The following SEMA6D variants were observed in gnomAD, a reference collection of about 807,000 sequenced individuals.
The protein encoded by SEMA6D is semaphorin 6D.
A neutral mutation model predicts 106.6 loss-of-function variants in SEMA6D; 35 were observed. The observed-to-expected ratio is 0.33, with a 90% CI of 0.25 to 0.44. The LOEUF (loss-of-function observed/expected upper bound fraction) is 0.44, where lower values mean the gene tolerates loss of function less well. SEMA6D is among the 20% of genes least tolerant of loss of function. SEMA6D has a pLI of 1.00. For missense variants in SEMA6D, 1,185 were observed against 1,345.9 expected, an observed-to-expected ratio of 0.88 and a Z score of 1.87; for synonymous variants, 499 against 487.7, an observed-to-expected ratio of 1.02 and a Z score of -0.31.
intron 1 of SEMA6D, among the ~76,000 whole-genome samples, chr15:47,288,578 A>T (rs1207981238): frequency 6.6e-6 from 1 of 152,172 alleles, no homozygotes; most frequent in African/African-American, 2.4e-5. Context: ...GAATTTCTAT[A>T]ATGGCCTTTT....
intron 2 of SEMA6D, among the ~76,000 whole-genome samples, chr15:47,434,234 G>A (rs1385862936): frequency 1.3e-5 from 2 of 152,106 alleles, no homozygotes; most frequent in African/African-American, 4.8e-5. Flanking sequence ...GTAACTGTGT[G>A]GTTCAAGCCT....
At chr15:47,461,759 A>G (rs1567095915) in intron 2 of SEMA6D, among the ~76,000 whole-genome samples, 1 of 152,110 alleles carries the variant, frequency 6.6e-6, no homozygotes, top group Non-Finnish European at 1.5e-5. Flanking sequence ...GCTAAGAGCA[A>G]TACAAACCGA....
intron 4 of SEMA6D, among the ~76,000 whole-genome samples, chr15:47,602,316 CT>C (rs2076679282): frequency 6.6e-6 from 1 of 152,170 alleles, no homozygotes; most frequent in African/African-American, 2.4e-5. Flanking sequence ...GCAATCTCAT[CT>C]AAGGTAATTA....
intron 3 of SEMA6D, among the ~76,000 whole-genome samples, chr15:47,495,724 ATTAAG>A (rs1217116640): frequency 6.6e-6 from 1 of 152,180 alleles, no homozygotes; most frequent in Admixed American, 6.6e-5. Flanking sequence ...TAAAACAAAT[ATTAAG>A]TTATTTTTAA....
At chr15:47,547,944 T>G (rs2045573109) in intron 3 of SEMA6D, among the ~76,000 whole-genome samples, 2 of 152,174 alleles carry the variant, frequency 1.3e-5, no homozygotes, top group African/African-American at 4.8e-5. Flanking sequence ...AAGAGAATAT[T>G]CTAGAATTTC....
chr15:47,676,484 G>A (rs2078248334), intron 4 of SEMA6D, among the ~76,000 whole-genome samples: 1 of 152,218 alleles, frequency 6.6e-6, no homozygotes, highest in African/African-American at 2.4e-5. Flanking sequence ...AACAATTAGT[G>A]CCATGACTAC....
At chr15:47,508,442 C>T (rs1003210810) in intron 3 of SEMA6D, among the ~76,000 whole-genome samples, 4 of 152,128 alleles carry the variant, frequency 2.6e-5, no homozygotes, top group Admixed American at 6.6e-5. Flanking sequence ...AAGAGGATGG[C>T]CCCATGGAGT....
chr15:47,200,637 TA>T (rs1248085702), intron 1 of SEMA6D, among the ~76,000 whole-genome samples: 6 of 152,150 alleles, frequency 3.9e-5, no homozygotes, highest in African/African-American at 1.4e-4. Context: ...GTAAAGTCAT[TA>T]AAAGTTTCTA....
chr15:47,411,938 GA>G (rs10715993), intron 1 of SEMA6D, among the ~76,000 whole-genome samples: 95,326 of 151,910 alleles, frequency 0.63, 30,378 homozygotes, highest in Middle Eastern at 0.69. Flanking sequence ...GGGACTCAGT[GA>G]AAAAAGCAGT....
chr15:47,369,539 A>T (rs1459476917), intron 1 of SEMA6D, among the ~76,000 whole-genome samples: 1 of 152,250 alleles, frequency 6.6e-6, no homozygotes, highest in Non-Finnish European at 1.5e-5. Flanking sequence ...ATTCAAAAGT[A>T]ATGATTCTTC....
Position 47,478,607 on chromosome 15 carries a change from G to T in SEMA6D, c.-87+8062G>T, listed in dbSNP as rs1437672685. Among the ~76,000 whole-genome samples the T allele has an allele frequency of 2.6e-5, 4 of 152,136 alleles. No individual in the cohort carries two copies. The East Asian group carries it at 7.7e-4, about 29-fold the overall frequency. ...GCAGGGTGTTGTGGTATAGCATGGGGTAGAAGGAAGGGAGCTGGAACCAAA... is the reference window on the plus strand; with the variant it reads ...GCAGGGTGTTGTGGTATAGCATGGGTTAGAAGGAAGGGAGCTGGAACCAAA... On this transcript the variant is annotated intron_variant, in intron 3 of 19. Coordinates refer to the SEMA6D transcript ENST00000558014.
chr15:47,726,144 C>T (rs757187282), intron 1 of SEMA6D, among the ~76,000 whole-genome samples: 2 of 152,228 alleles, frequency 1.3e-5, no homozygotes, highest in Non-Finnish European at 2.9e-5. Flanking sequence ...TGCCTACAGA[C>T]GGGATCTAAA....
At chr15:47,684,746 T>A (rs1311425031) in intron 4 of SEMA6D, among the ~76,000 whole-genome samples, 1 of 152,234 alleles carries the variant, frequency 6.6e-6, no homozygotes, top group Non-Finnish European at 1.5e-5. Flanking sequence ...TTCCCTTTTT[T>A]AAAAATGTGT....
chr15:47,709,318 CCCCTGTGGTCT>C (rs1202871125), intron 4 of SEMA6D, among the ~76,000 whole-genome samples: 1 of 152,118 alleles, frequency 6.6e-6, no homozygotes, highest in African/African-American at 2.4e-5. Context: ...GAGTAACTGG[CCCCTGTGGTCT>C]CCCTGTACTC....
At chr15:47,660,540 G>A (rs2077898285) in intron 4 of SEMA6D, among the ~76,000 whole-genome samples, 1 of 152,114 alleles carries the variant, frequency 6.6e-6, no homozygotes. Flanking sequence ...GGATCTATTT[G>A]CCTATTTCTG....
At chr15:47,306,074 T>C (rs901887784) in intron 1 of SEMA6D, among the ~76,000 whole-genome samples, 4 of 152,144 alleles carry the variant, frequency 2.6e-5, no homozygotes, top group African/African-American at 9.7e-5. Context: ...CTCTGCCTCC[T>C]GGGTTCAAGT....
intron 3 of SEMA6D, among the ~76,000 whole-genome samples, chr15:47,561,697 T>G (rs1011225825): frequency 1.3e-5 from 2 of 151,490 alleles, no homozygotes; most frequent in Non-Finnish European, 3.0e-5. Flanking sequence ...TAGGTAAATA[T>G]AAACAATTCT....
intron 4 of SEMA6D, among the ~76,000 whole-genome samples, chr15:47,696,225 C>T (rs1385553529): frequency 2.0e-5 from 3 of 152,126 alleles, no homozygotes; most frequent in Non-Finnish European, 2.9e-5. Flanking sequence ...ACTCAGTCTT[C>T]AAATCCACCC....
chr15:47,715,439 C>G (rs907890709), upstream of SEMA6D, among the ~76,000 whole-genome samples: 1 of 152,048 alleles, frequency 6.6e-6, no homozygotes, highest in African/African-American at 2.4e-5. Context: ...TTCTTGGAAC[C>G]AGGGAAATGA....
Sources: allele counts gnomAD v4.1 joint callset (sites outside exome capture counted in the v4.1 genomes callset), GRCh38; gene constraint gnomAD v4.1.1; transcripts MANE v1.5; gene names NCBI Gene and HGNC (gene_info 2026-07-23, HGNC 2026-07-21).